The following PDXDC1 variants were observed in gnomAD, a reference collection of about 807,000 sequenced individuals.
PDXDC1 encodes pyridoxal-dependent decarboxylase domain-containing protein 1.
In PDXDC1, 42 loss-of-function variants were observed where a neutral mutation model predicts 100.1. The observed-to-expected ratio is 0.42, with a 90% CI of 0.33 to 0.54. PDXDC1 has a LOEUF of 0.54. PDXDC1 is among the 20% of genes least tolerant of loss of function. PDXDC1 has a pLI of 0.10. For synonymous variants in PDXDC1, 260 were observed against 371.7 expected, an observed-to-expected ratio of 0.70 and a Z score of 3.46; for missense variants, 636 against 979.2, an observed-to-expected ratio of 0.65 and a Z score of 4.68.
chr16:15,058,594 G>A (rs2044607504), intron 16 of PDXDC1, among the ~76,000 whole-genome samples: 1 of 152,032 alleles, frequency 6.6e-6, no homozygotes, highest in Non-Finnish European at 1.5e-5. Context: ...AGGCATGGTG[G>A]TGCGTACCTG....
At chr16:14,999,854 CT>C (rs1303691956) in intron 3 of PDXDC1, among the ~76,000 whole-genome samples, 318 of 149,658 alleles carry the variant, frequency 2.1e-3, no homozygotes, top group African/African-American at 5.7e-3. Flanking sequence ...CTGAGACAAA[CT>C]TTTTTTTTTT....
At position 15,022,841 on chromosome 16, in the gene PDXDC1, T is replaced by C. The variant is rs2042308921; in HGVS notation, c.1140+87T>C. On this transcript the variant is annotated intron_variant, in intron 13 of 22. Coordinates refer to ENST00000396410, the MANE Select transcript of PDXDC1 (RefSeq NM_015027.4). The stretch of plus-strand genomic sequence containing the variant: ...AATGATTTTAGAACTTTAGAATGAT[T>C]TTCTCCACATTTCAGTGGAATTGTG... 8 of 1,067,930 alleles carry C rather than the reference T, an allele frequency of 7.5e-6. No homozygotes were observed. The East Asian group carries it at 2.3e-4, about 31-fold the overall frequency. The allele number at this position is 1,067,930 out of a possible 1,614,324, so 66.2% of individuals were successfully genotyped here.
At chr16:14,994,524 G>A (rs568362213) in intron 1 of PDXDC1, among the ~76,000 whole-genome samples, 1 of 152,412 alleles carries the variant, frequency 6.6e-6, no homozygotes, top group Admixed American at 6.5e-5. Context: ...CCAGTACCAT[G>A]CTGTTTTGGT....
At chr16:15,132,440 G>T (rs930037276) in intron 16 of PDXDC1, among the ~76,000 whole-genome samples, 2 of 137,138 alleles carry the variant, frequency 1.5e-5, no homozygotes, top group African/African-American at 5.5e-5. Context: ...AAGGGGGAGG[G>T]GAGGGGAGAG....
At position 15,086,519 on chromosome 16, in the gene PDXDC1, A is replaced by C. The variant is rs994593343; in HGVS notation, c.1400-52360A>C. The C allele has an allele frequency of 3.8e-6, 6 of 1,592,094 alleles. No homozygotes were observed. In the African/African-American group the frequency reaches 5.4e-5, roughly 14 times the overall value. Reference sequence around the variant, plus strand: ...TCTAACATAACAGAAATTTACAGCTATCTTATATCAATCATTTATCAAGAA... The same window carrying C: ...TCTAACATAACAGAAATTTACAGCTCTCTTATATCAATCATTTATCAAGAA... On this transcript the variant is annotated intron_variant, in intron 16 of 16. Coordinates refer to the PDXDC1 transcript ENST00000535621.
chr16:15,102,131 C>A (rs890981216), intron 16 of PDXDC1, among the ~76,000 whole-genome samples: 5 of 152,056 alleles, frequency 3.3e-5, no homozygotes, highest in African/African-American at 1.2e-4. Flanking sequence ...CAGGCATGAG[C>A]CACTGAGCCT....
chr16:14,984,277 G>A (rs1968707859), intron 1 of PDXDC1, among the ~76,000 whole-genome samples: 1 of 140,824 alleles, frequency 7.1e-6, no homozygotes, highest in Admixed American at 7.5e-5. Context: ...TGTCACTCTA[G>A]ACCTCTTTAC....
At chr16:15,035,669 T>C (rs1271844476) in intron 22 of PDXDC1, 116 bp downstream of exon 22, 14 of 614,280 alleles carry the variant, frequency 2.3e-5, no homozygotes, top group Non-Finnish European at 4.0e-5. Context: ...GACCAACTAC[T>C]ACCATCTCTT....
At chr16:15,104,990 T>C (rs1358028307) in intron 16 of PDXDC1, among the ~76,000 whole-genome samples, 12 of 151,374 alleles carry the variant, frequency 7.9e-5, no homozygotes, top group Non-Finnish European at 1.5e-5. Flanking sequence ...CATGCCACTG[T>C]GTCTGTCTGC....
At chr16:15,007,196 A>T (rs1201917952) in intron 6 of PDXDC1, among the ~76,000 whole-genome samples, 1 of 110,422 alleles carries the variant, frequency 9.1e-6, no homozygotes, top group African/African-American at 3.5e-5. Flanking sequence ...TTTGAGACAG[A>T]GTCTTGCTCT....
intron 3 of PDXDC1, among the ~76,000 whole-genome samples, chr16:15,001,080 C>A (rs1397087996): frequency 3.9e-5 from 6 of 152,236 alleles, no homozygotes; most frequent in African/African-American, 1.4e-4. Flanking sequence ...GGTGGCTGGG[C>A]AAGGTGGCTC....
chr16:14,982,600 T>C (rs1430460359), intron 1 of PDXDC1, among the ~76,000 whole-genome samples: 1 of 152,284 alleles, frequency 6.6e-6, no homozygotes, highest in East Asian at 1.9e-4. Flanking sequence ...GGTTCTTAAA[T>C]ACTGTACTGT....
At chr16:15,003,899 A>C (rs1973715528) in intron 4 of PDXDC1, among the ~76,000 whole-genome samples, 2 of 152,242 alleles carry the variant, frequency 1.3e-5, no homozygotes, top group Non-Finnish European at 1.5e-5. Context: ...CAGGAGAATC[A>C]CGTGAACCCA....
At chr16:14,979,017 T>A (rs1436250247) in intron 1 of PDXDC1, among the ~76,000 whole-genome samples, 2 of 152,280 alleles carry the variant, frequency 1.3e-5, no homozygotes, top group Non-Finnish European at 2.9e-5. Context: ...GGGGCAGTTG[T>A]CCCCCAAGGG....
chr16:15,066,852 A>G (rs2045000890), intron 16 of PDXDC1, among the ~76,000 whole-genome samples: 2 of 151,882 alleles, frequency 1.3e-5, no homozygotes, highest in African/African-American at 4.8e-5. Context: ...TTTTATTTCA[A>G]TCCCCTGCTC....
In PDXDC1 at chr16:15,080,154, T is replaced by A. The variant is rs2045638740; in HGVS notation, c.1399+50098T>A. 1.1e-5 allele frequency: 17 copies of A among 1,524,010 alleles called. No individual in the cohort carries two copies. In the South Asian group the frequency reaches 2.0e-4, roughly 18 times the overall value. 94.4% of individuals were successfully genotyped at this position (1,524,010 alleles called of 1,614,324 possible). On this transcript the variant is annotated intron_variant, in intron 16 of 16. Transcript: ENST00000535621. The stretch of plus-strand genomic sequence containing the variant: ...ACAGAGAATAAACGTTTCACAGTTA[T>A]GTAAGCAAAACATCAATTACATGAC...
the PDXDC1 span, among the ~76,000 whole-genome samples, chr16:15,150,116 G>A: frequency 5.9e-5 from 9 of 151,800 alleles, no homozygotes; most frequent in South Asian, 4.2e-4. Context: ...AGGCTGAGGC[G>A]GGTGGATCAC....
At chr16:15,132,636 G>C (rs2048161401) in intron 16 of PDXDC1, 1 of 770,372 alleles carries the variant, frequency 1.3e-6, no homozygotes, top group South Asian at 1.5e-5. Flanking sequence ...CAGCTCCTCG[G>C]CCAAGCTGCC....
At position 15,017,377 on chromosome 16, in the gene PDXDC1, A is replaced by G. The variant is rs775069210; in HGVS notation, c.918A>G (p.Pro306=). The change falls in exon 11 of 23, where the codon CCA becomes CCG. Residue 306 remains proline, a synonymous_variant. Transcript: ENST00000396410. ...CTCCTGGCCCGTGGCTGGGTTTGCC[A>G]GCTGTTCCTGCGGTGACACTGTATA... is the stretch of plus-strand genomic sequence containing the variant. The part of the protein sequence containing the change: ...TMTPGPWLGL[P]AVPAVTLYKH... 19 of 1,614,252 alleles carry G rather than the reference A, an allele frequency of 1.2e-5. No homozygotes were observed. In the East Asian group the frequency reaches 4.0e-4, roughly 34 times the overall value.
Sources: allele counts gnomAD v4.1 joint callset (sites outside exome capture counted in the v4.1 genomes callset), GRCh38; gene constraint gnomAD v4.1.1; transcripts MANE v1.5; gene names NCBI Gene and HGNC (gene_info 2026-07-23, HGNC 2026-07-21).